CSMD1: variants seen among roughly 807,000 people sequenced by gnomAD.
The protein encoded by CSMD1 is CUB and Sushi multiple domains 1, also known as CUB and sushi domain-containing protein 1.
Under a neutral mutation model 417.5 loss-of-function variants are expected in CSMD1, and 213 were observed. The ratio of observed to expected loss-of-function variants is 0.51; its 90% confidence interval spans 0.46 to 0.57. CSMD1 has a LOEUF of 0.57. Among genes scored for constraint, CSMD1 ranks in the 20% least tolerant of loss-of-function variants. The probability of loss-of-function intolerance (pLI) is 0.00; values close to 1 mark genes in which losing one functional copy is unlikely to be tolerated. For synonymous variants in CSMD1, 2,862 were observed against 1,736.8 expected, an observed-to-expected ratio of 1.65 and a Z score of -16.11; for missense variants, 6,923 against 4,529.7, an observed-to-expected ratio of 1.53 and a Z score of -15.17.
chr8:3,606,171 G>C (rs1369972700), intron 8 of CSMD1, among the ~76,000 whole-genome samples: 1 of 152,168 alleles, frequency 6.6e-6, no homozygotes, highest in African/African-American at 2.4e-5. Context: ...CCAACCGTGT[G>C]GGTGGGGGAG....
intron 3 of CSMD1, among the ~76,000 whole-genome samples, chr8:4,134,917 G>C (rs953357579): frequency 9.2e-5 from 14 of 152,062 alleles, no homozygotes; most frequent in Non-Finnish European, 1.3e-4. Flanking sequence ...TCTAGTTTTT[G>C]CTAAACTCTT....
intron 5 of CSMD1, among the ~76,000 whole-genome samples, chr8:3,982,202 A>AT (rs1360825627): frequency 2.3e-4 from 25 of 107,162 alleles, no homozygotes; most frequent in East Asian, 5.5e-4. Flanking sequence ...TTAATAAAAA[A>AT]AATAATAATA....
intron 5 of CSMD1, among the ~76,000 whole-genome samples, chr8:3,916,998 C>T (rs1363817825): frequency 2.0e-5 from 3 of 152,094 alleles, no homozygotes; most frequent in African/African-American, 4.8e-5. Context: ...AACTCCACTG[C>T]CCTATGAAGC....
At chr8:4,346,596 T>G (rs1292924212) in intron 3 of CSMD1, among the ~76,000 whole-genome samples, 1 of 152,212 alleles carries the variant, frequency 6.6e-6, no homozygotes, top group African/African-American at 2.4e-5. Flanking sequence ...TGATTTCATT[T>G]CAATCTTCAG....
At chr8:4,753,361 T>C (rs576887976) in intron 1 of CSMD1, among the ~76,000 whole-genome samples, 12 of 151,774 alleles carry the variant, frequency 7.9e-5, no homozygotes, top group African/African-American at 2.9e-4. Flanking sequence ...TTGTCGATAT[T>C]GTAAGGTCTG....
chr8:3,982,681 G>A (rs192931388), intron 5 of CSMD1, among the ~76,000 whole-genome samples: 1 of 152,100 alleles, frequency 6.6e-6, no homozygotes, highest in East Asian at 1.9e-4. Context: ...CAGGGTGGCG[G>A]ACCGGAAGCC....
At chr8:3,796,871 A>G (rs1800183134) in intron 5 of CSMD1, among the ~76,000 whole-genome samples, 1 of 151,684 alleles carries the variant, frequency 6.6e-6, no homozygotes, top group South Asian at 2.1e-4. Context: ...TATTGTTTCT[A>G]CAAAAATGGA....
intron 2 of CSMD1, among the ~76,000 whole-genome samples, chr8:4,519,811 C>G (rs896673620): frequency 7.5e-6 from 1 of 132,492 alleles, no homozygotes; most frequent in African/African-American, 2.9e-5. Flanking sequence ...AGGGATAGCT[C>G]TATGAAAGAG....
chr8:3,600,275 C>T (rs1304484419), intron 8 of CSMD1, among the ~76,000 whole-genome samples: 2 of 152,166 alleles, frequency 1.3e-5, no homozygotes, highest in Non-Finnish European at 2.9e-5. Context: ...TAAAATTCCT[C>T]ATAAAATTTA....
Position 4,028,850 on chromosome 8 carries a change from G to C in CSMD1, c.610+3055C>G, listed in dbSNP as rs528153382. 1.2e-4 allele frequency among the ~76,000 whole-genome samples: 19 copies of C among 152,256 alleles called. No homozygotes were observed. The South Asian group carries it at 2.9e-3, about 23-fold the overall frequency. ...AAATGTTAGGTATGCTTTTAATTTT[G>C]TACTCAAAAGATAAATTTTTCTTAG... On this transcript the variant is annotated intron_variant, in intron 4 of 69. Coordinates refer to ENST00000635120, the MANE Select transcript of CSMD1 (RefSeq NM_033225.6).
At chr8:2,954,334 T>C in intron 64 of CSMD1, 66 bp from the exon 65 acceptor site, 3 of 1,017,098 alleles carry the variant, frequency 2.9e-6, no homozygotes, top group South Asian at 3.2e-5. Context: ...TTTGAAAAAA[T>C]GTCAAATTGA....
At chr8:4,518,120 G>A (rs972993661) in intron 2 of CSMD1, among the ~76,000 whole-genome samples, 2 of 152,136 alleles carry the variant, frequency 1.3e-5, no homozygotes, top group African/African-American at 4.8e-5. Flanking sequence ...CTGAATTACA[G>A]TATTATGTTT....
At position 3,439,154 on chromosome 8, in the gene CSMD1, C is replaced by CAAAAAAAAAAAAAAAAAAAAA. The variant is rs1563390150; in HGVS notation, c.1562-29550_1562-29549insTTTTTTTTTTTTTTTTTTTTT. ...AAAAAAAAAAAAAAAAAAAAAAAAC[C>CAAAAAAAAAAAAAAAAAAAAA]AAGAAAAAAAAAAGAAAAAGAAAAA... is the stretch of plus-strand genomic sequence containing the variant. On this transcript the variant is annotated intron_variant, in intron 12 of 69. Coordinates refer to ENST00000635120, the MANE Select transcript of CSMD1 (RefSeq NM_033225.6). Among the ~76,000 whole-genome samples the CAAAAAAAAAAAAAAAAAAAAA allele has an allele frequency of 1.8e-3, 47 of 26,604 alleles. 5 individuals carry two copies. Among genetic ancestry groups the CAAAAAAAAAAAAAAAAAAAAA allele is most frequent in the East Asian group, 5.5e-3 (4 of 726 alleles). The allele number at this position is 26,604 out of a possible 152,430, so 17.5% of individuals were successfully genotyped here. A position where few individuals can be genotyped will look rare whatever the true frequency, so the allele number is the denominator to read the frequency against.
At chr8:4,188,103 C>A (rs1003053698) in intron 3 of CSMD1, among the ~76,000 whole-genome samples, 1 of 152,062 alleles carries the variant, frequency 6.6e-6, no homozygotes, top group African/African-American at 2.4e-5. Flanking sequence ...GGATGCACGA[C>A]ATGTAATTAA....
intron 9 of CSMD1, among the ~76,000 whole-genome samples, chr8:3,576,846 A>G (rs995072025): frequency 2.0e-5 from 3 of 152,238 alleles, no homozygotes; most frequent in Non-Finnish European, 4.4e-5. Flanking sequence ...AAAACCTTTG[A>G]AAAAAGTGAT....
At chr8:3,753,626 T>C (rs1797482246) in intron 6 of CSMD1, among the ~76,000 whole-genome samples, 1 of 152,230 alleles carries the variant, frequency 6.6e-6, no homozygotes, top group African/African-American at 2.4e-5. Context: ...CAAACTGCTG[T>C]GGATATTTAC....
Position 4,458,418 on chromosome 8 carries a change from T to C in CSMD1, c.303-38353A>G, listed in dbSNP as rs185533606. 3.1e-3 allele frequency among the ~76,000 whole-genome samples: 477 copies of C among 152,310 alleles called. 1 individual carries two copies. Among genetic ancestry groups the C allele is most frequent in the Non-Finnish European group, 4.1e-3 (282 of 68,026 alleles). ...AGTTTATGGGGATTATTGGCAGTGA[T>C]TTTTATCAGTTGGTTTCTAAAACAG... On this transcript the variant is annotated intron_variant, in intron 2 of 69. Transcript: ENST00000635120.
Position 4,693,135 on chromosome 8 carries a change from G to A in CSMD1, c.86-55577C>T, listed in dbSNP as rs190097643. Among the ~76,000 whole-genome samples the A allele has an allele frequency of 1.6e-3, 242 of 152,250 alleles. 3 individuals are homozygous for A. The highest frequency in any genetic ancestry group is 5.7e-3 in the African/African-American group (235 of 41,540). ...CCACTGGAATCTTCTGAGTGTCAGG[G>A]TTGCTCTCCCTTCAAGCTCCTCTTA... On this transcript the variant is annotated intron_variant, in intron 1 of 69. Transcript: ENST00000635120.
At position 4,032,111 on chromosome 8, in the gene CSMD1, AG is replaced by A; in HGVS notation, c.416-13del. The A allele has an allele frequency of 6.3e-7, 1 of 1,582,378 alleles. No homozygotes were observed. The highest frequency in any genetic ancestry group is 8.6e-7 in the Non-Finnish European group (1 of 1,158,656). Reference sequence around the variant, plus strand: ...GTGGCTAGGTAAAACTATTGGAAAAAGAAAAGAAAGGAGAAAAAACAAGTTA... The same window carrying A: ...GTGGCTAGGTAAAACTATTGGAAAAAAAAAGAAAGGAGAAAAAACAAGTTA... On this transcript the variant is annotated splice_polypyrimidine_tract_variant and intron_variant, in intron 3 of 69. Coordinates refer to ENST00000635120, the MANE Select transcript of CSMD1 (RefSeq NM_033225.6).
Sources: gnomAD v4.1 joint callset for allele counts (sites outside exome capture counted in the v4.1 genomes callset) on GRCh38, gnomAD v4.1.1 for gene constraint, MANE v1.5 for transcripts, NCBI Gene and HGNC (gene_info 2026-07-23, HGNC 2026-07-21) for gene names.